MACROD2: variants seen among roughly 807,000 people sequenced by gnomAD.
MACROD2 encodes the protein ADP-ribose glycohydrolase MACROD2.
MACROD2 carries 36 observed loss-of-function variants against 70.4 expected under a neutral mutation model. The ratio of observed to expected loss-of-function variants is 0.51; its 90% CI spans 0.39 to 0.68. The LOEUF is 0.68. Among genes scored for constraint, MACROD2 ranks in the 30% least tolerant of loss-of-function variants. MACROD2 has a pLI of 0.00. For missense variants in MACROD2, 496 were observed against 538.4 expected, an observed-to-expected ratio of 0.92 and a Z score of 0.78; for synonymous variants, 172 against 178.8, an observed-to-expected ratio of 0.96 and a Z score of 0.30.
chr20:14,829,919 G>T (rs380544), intron 5 of MACROD2, among the ~76,000 whole-genome samples: 37,907 of 151,876 alleles, frequency 0.25, 5,068 homozygotes, highest in African/African-American at 0.31. Context: ...GAAGTTCAAT[G>T]CATACATTGA....
intron 3 of MACROD2, among the ~76,000 whole-genome samples, chr20:14,134,119 A>G (rs2054757576): frequency 6.6e-6 from 1 of 152,196 alleles, no homozygotes; most frequent in Non-Finnish European, 1.5e-5. Flanking sequence ...GTACTCCTTA[A>G]TATACCTCCT....
chr20:14,594,069 T>A (rs1244398641), intron 4 of MACROD2, among the ~76,000 whole-genome samples: 3 of 152,188 alleles, frequency 2.0e-5, no homozygotes, highest in African/African-American at 7.2e-5. Flanking sequence ...ACATGGTAAG[T>A]GCTGTTAAAG....
intron 6 of MACROD2, among the ~76,000 whole-genome samples, chr20:15,331,605 C>T (rs1183958422): frequency 6.6e-6 from 1 of 151,680 alleles, no homozygotes; most frequent in East Asian, 1.9e-4. Flanking sequence ...AAGCTCTAAA[C>T]CATATAAAAC....
intron 5 of MACROD2, among the ~76,000 whole-genome samples, chr20:15,011,069 A>T (rs1462388793): frequency 2.0e-5 from 3 of 152,204 alleles, no homozygotes; most frequent in Non-Finnish European, 4.4e-5. Flanking sequence ...TGGCAGACAG[A>T]TTCAAATGGA....
Position 16,010,644 on chromosome 20 carries a change from A to C in MACROD2, c.1153+23486A>C, listed in dbSNP as rs368596509. On this transcript the variant is annotated intron_variant, in intron 15 of 17. Transcript: ENST00000684519. ...TTCTGACAGCCCTCATAAGACCTCC[A>C]AGGTGTGGTGTGCTGATTCTGGCTT... Among the ~76,000 whole-genome samples, 30 of 152,308 alleles carry C rather than the reference A, an allele frequency of 2.0e-4. 1 individual carries two copies. Among genetic ancestry groups the C allele is most frequent in the African/African-American group, 6.5e-4 (27 of 41,570 alleles).
intron 5 of MACROD2, among the ~76,000 whole-genome samples, chr20:15,048,649 A>G (rs2075414807): frequency 6.6e-6 from 1 of 152,166 alleles, no homozygotes; most frequent in African/African-American, 2.4e-5. Flanking sequence ...GATTCCTGAA[A>G]GAGTAGCCTT....
At chr20:14,429,894 G>A (rs187215799) in intron 3 of MACROD2, among the ~76,000 whole-genome samples, 1 of 152,300 alleles carries the variant, frequency 6.6e-6, no homozygotes, top group East Asian at 1.9e-4. Flanking sequence ...TAACAGGATT[G>A]TGCTCCTGTG....
intron 5 of MACROD2, among the ~76,000 whole-genome samples, chr20:14,852,464 G>C (rs1568833412): frequency 6.6e-6 from 1 of 152,126 alleles, no homozygotes; most frequent in Non-Finnish European, 1.5e-5. Context: ...GTTGATCACT[G>C]TTTCAAGAAG....
intron 8 of MACROD2, among the ~76,000 whole-genome samples, chr20:15,509,252 T>C (rs769153945): frequency 3.2e-4 from 48 of 152,364 alleles, no homozygotes; most frequent in Middle Eastern, 3.4e-3. Context: ...CATCAAAAGA[T>C]AGTAATTAAC....
At chr20:15,120,037 C>T (rs995953257) in intron 5 of MACROD2, among the ~76,000 whole-genome samples, 1 of 152,146 alleles carries the variant, frequency 6.6e-6, no homozygotes, top group African/African-American at 2.4e-5. Context: ...ATTTATCACC[C>T]CTAGGATCAG....
intron 8 of MACROD2, among the ~76,000 whole-genome samples, chr20:15,549,406 G>C (rs1436693004): frequency 6.6e-6 from 1 of 152,184 alleles, no homozygotes; most frequent in Non-Finnish European, 1.5e-5. Context: ...TAAGCTGCAA[G>C]AGTTTGGAGG....
chr20:14,351,936 A>C (rs1440373960), intron 3 of MACROD2, among the ~76,000 whole-genome samples: 1 of 152,184 alleles, frequency 6.6e-6, no homozygotes, highest in Admixed American at 6.6e-5. Flanking sequence ...TTATCATGAA[A>C]GGATGTATAA....
chr20:14,210,344 C>T (rs931424089), intron 3 of MACROD2, among the ~76,000 whole-genome samples: 2 of 152,162 alleles, frequency 1.3e-5, no homozygotes, highest in Non-Finnish European at 2.9e-5. Context: ...ACATGTGCAG[C>T]TAAAAGTAGG....
intron 6 of MACROD2, among the ~76,000 whole-genome samples, chr20:15,337,068 T>A (rs1471048888): frequency 6.6e-6 from 1 of 151,778 alleles, no homozygotes; most frequent in Non-Finnish European, 1.5e-5. Context: ...AACTTTATTC[T>A]CTTAACCAGT....
Position 14,493,524 on chromosome 20 carries a change from C to T in MACROD2, c.301+16C>T. The T allele has an allele frequency of 1.2e-6, 2 of 1,600,258 alleles. No homozygotes were observed. Among genetic ancestry groups the T allele is most frequent in the East Asian group, 4.5e-5 (2 of 44,520 alleles). ...GGAGGAGGTGGTAAGTCCTGAACATCACTTAACTTAAAATACATTTTAATT... is the reference window on the plus strand; with the variant it reads ...GGAGGAGGTGGTAAGTCCTGAACATTACTTAACTTAAAATACATTTTAATT... On this transcript the variant is annotated intron_variant, in intron 4 of 17. Transcript: ENST00000684519.
At chr20:15,831,017 AT>A (rs1257187198) in intron 8 of MACROD2, among the ~76,000 whole-genome samples, 2 of 152,228 alleles carry the variant, frequency 1.3e-5, no homozygotes, top group African/African-American at 2.4e-5. Context: ...GACTCAAAGT[AT>A]TTATATTATT....
intron 3 of MACROD2, among the ~76,000 whole-genome samples, chr20:14,293,609 G>C (rs185455958): frequency 7.9e-5 from 12 of 151,976 alleles, no homozygotes; most frequent in Admixed American, 5.9e-4. Flanking sequence ...AGAGAGGTGA[G>C]CAGGGACTGC....
intron 12 of MACROD2, among the ~76,000 whole-genome samples, chr20:15,959,444 C>T (rs183972421): frequency 1.3e-5 from 2 of 152,310 alleles, no homozygotes; most frequent in African/African-American, 4.8e-5. Context: ...GAGTACTGTA[C>T]AGTTTGAAAT....
chr20:15,151,874 A>G (rs200694580), intron 5 of MACROD2, among the ~76,000 whole-genome samples: 2 of 151,850 alleles, frequency 1.3e-5, no homozygotes, highest in Non-Finnish European at 2.9e-5. Flanking sequence ...AGTGGAGGCT[A>G]AGGAAGAATT....
Sources: allele counts gnomAD v4.1 joint callset (sites outside exome capture counted in the v4.1 genomes callset), GRCh38; gene constraint gnomAD v4.1.1; transcripts MANE v1.5; gene names NCBI Gene and HGNC (gene_info 2026-07-23, HGNC 2026-07-21).